The following NAALADL2 variants were observed in gnomAD, a reference collection of about 807,000 sequenced individuals.
The protein encoded by NAALADL2 is N-acetylated alpha-linked acidic dipeptidase like 2.
In NAALADL2, 76 loss-of-function variants were observed where a neutral mutation model predicts 87.2. The observed-to-expected ratio is 0.87, with a 90% CI of 0.72 to 1.05. The LOEUF (loss-of-function observed/expected upper bound fraction) is 1.05. Among genes scored for constraint, NAALADL2 ranks in the 50% least tolerant of loss-of-function variants. The pLI, the probability that NAALADL2 is intolerant of heterozygous loss-of-function variation, is 0.00. For missense variants in NAALADL2, 1,089 were observed against 945.8 expected, an observed-to-expected ratio of 1.15 and a Z score of -1.99; for synonymous variants, 354 against 331.0, an observed-to-expected ratio of 1.07 and a Z score of -0.75.
chr3:175,458,895 T>G (rs771811957), intron 6 of NAALADL2, among the ~76,000 whole-genome samples: 35 of 152,144 alleles, frequency 2.3e-4, no homozygotes, highest in Non-Finnish European at 4.6e-4. Context: ...ATTCAGCTCT[T>G]AAATGCAGAT....
At chr3:175,345,262 G>A (rs370021687) in intron 5 of NAALADL2, among the ~76,000 whole-genome samples, 5 of 118,550 alleles carry the variant, frequency 4.2e-5, no homozygotes, top group African/African-American at 9.7e-5. Context: ...TACTTCATAC[G>A]TTTTATTCCA....
intron 2 of NAALADL2, among the ~76,000 whole-genome samples, chr3:175,224,218 G>A (rs561258627): frequency 6.0e-4 from 91 of 152,218 alleles, no homozygotes; most frequent in Non-Finnish European, 2.4e-4. Context: ...CTGCCCGGAG[G>A]ATATTGATTA....
At chr3:175,762,582 A>G (rs910151176) in intron 13 of NAALADL2, among the ~76,000 whole-genome samples, 6 of 152,192 alleles carry the variant, frequency 3.9e-5, no homozygotes, top group Non-Finnish European at 1.5e-5. Context: ...CCATATCGCT[A>G]TTAACCAAGG....
At chr3:175,412,349 T>C (rs1713694882) in intron 5 of NAALADL2, among the ~76,000 whole-genome samples, 1 of 152,202 alleles carries the variant, frequency 6.6e-6, no homozygotes, top group Admixed American at 6.5e-5. Flanking sequence ...ATTTAATGGA[T>C]AAATGGATGT....
chr3:175,411,731 C>A (rs1310504321), intron 5 of NAALADL2, among the ~76,000 whole-genome samples: 1 of 152,000 alleles, frequency 6.6e-6, no homozygotes, highest in African/African-American at 2.4e-5. Flanking sequence ...TGTCCAAAAT[C>A]AGAAACAAAA....
chr3:174,691,034 G>C (rs183829253), intron 2 of NAALADL2, among the ~76,000 whole-genome samples: 9 of 152,232 alleles, frequency 5.9e-5, no homozygotes, highest in Non-Finnish European at 1.2e-4. Flanking sequence ...GCATATAAAA[G>C]TTATGTTATG....
chr3:174,675,126 G>A (rs1445430582), intron 2 of NAALADL2, among the ~76,000 whole-genome samples: 1 of 152,022 alleles, frequency 6.6e-6, no homozygotes, highest in African/African-American at 2.4e-5. Context: ...TGCAATTATT[G>A]AGTATGTAAA....
chr3:174,850,845 T>C (rs894018179), intron 3 of NAALADL2, among the ~76,000 whole-genome samples: 1 of 152,072 alleles, frequency 6.6e-6, no homozygotes, highest in East Asian at 1.9e-4. Context: ...TTCTCAATGA[T>C]AGACCATATA....
chr3:174,463,794 A>G (rs1716357003), intron 1 of NAALADL2, among the ~76,000 whole-genome samples: 2 of 151,604 alleles, frequency 1.3e-5, no homozygotes, highest in Admixed American at 1.3e-4. Flanking sequence ...TAGAGACGCG[A>G]TTTCACCGTG....
At chr3:174,527,086 G>A (rs1720835448) in intron 1 of NAALADL2, among the ~76,000 whole-genome samples, 1 of 152,190 alleles carries the variant, frequency 6.6e-6, no homozygotes, top group South Asian at 2.1e-4. Context: ...ACACAGTAGA[G>A]GGTGGAGTGA....
rs184522525 is a variant in NAALADL2, at chr3:175,027,074, A to G, written c.44-69716A>G. On this transcript the variant is annotated intron_variant, in intron 1 of 13. Transcript: ENST00000454872. ...AATGATTCAGAGGGGTTGGATTTGT[A>G]TAGTCTTTATTTGCTCAGATGTTAT... Among the ~76,000 whole-genome samples the G allele has an allele frequency of 4.5e-4, 69 of 152,174 alleles. 1 individual carries two copies. The highest frequency in any genetic ancestry group is 4.5e-3 in the Admixed American group (69 of 15,276).
At chr3:175,439,659 A>C (rs1304531719) in intron 5 of NAALADL2, among the ~76,000 whole-genome samples, 1 of 141,206 alleles carries the variant, frequency 7.1e-6, no homozygotes, top group Non-Finnish European at 1.6e-5. Flanking sequence ...ATGTTTTTTC[A>C]TATTGTTAGC....
intron 1 of NAALADL2, among the ~76,000 whole-genome samples, chr3:174,525,846 T>C (rs1316583821): frequency 1.3e-5 from 2 of 152,164 alleles, no homozygotes; most frequent in Admixed American, 1.3e-4. Context: ...AGATACCATT[T>C]TGGGGGGCAC....
chr3:175,787,635 C>G (rs894593800), intron 13 of NAALADL2, among the ~76,000 whole-genome samples: 2 of 152,106 alleles, frequency 1.3e-5, no homozygotes, highest in South Asian at 4.1e-4. Context: ...GAGATGAACC[C>G]GGTACCTCAG....
intron 1 of NAALADL2, among the ~76,000 whole-genome samples, chr3:174,891,787 G>A (rs1240862796): frequency 6.6e-6 from 1 of 152,102 alleles, no homozygotes; most frequent in Non-Finnish European, 1.5e-5. Context: ...GCAGTGGACC[G>A]GGGAAATACA....
At chr3:175,770,875 C>T (rs2150177879) in intron 13 of NAALADL2, among the ~76,000 whole-genome samples, 1 of 152,268 alleles carries the variant, frequency 6.6e-6, no homozygotes, top group African/African-American at 2.4e-5. Flanking sequence ...GTGGTTTGTA[C>T]ATTTCCTGTG....
intron 1 of NAALADL2, among the ~76,000 whole-genome samples, chr3:174,997,032 GTGTGTGTA>G (rs1374205701): frequency 3.1e-5 from 3 of 97,016 alleles, no homozygotes; most frequent in African/African-American, 8.8e-5. Context: ...GTGTGTGTGT[GTGTGTGTA>G]TGTGTATATA....
chr3:175,144,922 C>T (rs1376663621), intron 2 of NAALADL2, among the ~76,000 whole-genome samples: 3 of 151,970 alleles, frequency 2.0e-5, no homozygotes, highest in African/African-American at 2.4e-5. Flanking sequence ...GTTTTCAATA[C>T]AAGTTTCAAA....
intron 5 of NAALADL2, among the ~76,000 whole-genome samples, chr3:175,326,094 C>A (rs1219886592): frequency 1.3e-5 from 2 of 152,218 alleles, no homozygotes; most frequent in African/African-American, 4.8e-5. Flanking sequence ...ACCTTGAACA[C>A]TTTGCTGCTT....
Sources: allele counts gnomAD v4.1 joint callset (sites outside exome capture counted in the v4.1 genomes callset), GRCh38; gene constraint gnomAD v4.1.1; transcripts MANE v1.5; gene names NCBI Gene and HGNC (gene_info 2026-07-23, HGNC 2026-07-21).